PITPNB: variants seen among roughly 807,000 people sequenced by gnomAD.
The protein encoded by PITPNB is phosphatidylinositol transfer protein beta.
Under a neutral mutation model 45.9 loss-of-function variants are expected in PITPNB, and 16 were observed. The ratio of observed to expected loss-of-function variants is 0.35; its 90% CI spans 0.24 to 0.53. The LOEUF (loss-of-function observed/expected upper bound fraction) is 0.53, where lower values mean the gene tolerates loss of function less well. Among genes scored for constraint, PITPNB ranks in the 20% least tolerant of loss-of-function variants. PITPNB has a pLI of 0.93. For missense variants in PITPNB, 188 were observed against 330.5 expected (o/e 0.57, Z 3.34); for synonymous variants, 112 against 108.9 (o/e 1.03, Z -0.18).
Position 27,896,957 on chromosome 22 carries a change from A to G in PITPNB, c.297+173T>C, listed in dbSNP as rs564427178. The G allele has an allele frequency of 1.1e-5, 7 of 658,594 alleles. No homozygotes were observed. The East Asian group carries it at 1.8e-4, about 17-fold the overall frequency. 40.8% of individuals were successfully genotyped at this position (658,594 alleles called of 1,614,324 possible). On this transcript the variant is annotated intron_variant, in intron 5 of 11. Coordinates refer to ENST00000335272, the MANE Select transcript of PITPNB (RefSeq NM_012399.5). ...TAGGGAGATTTTGAGACAAGGGTGG[A>G]AAGGGCCCATGAACACTGGGAACAT...
intron 8 of PITPNB, among the ~76,000 whole-genome samples, chr22:27,868,344 C>T (rs1422232321): frequency 6.6e-6 from 1 of 152,200 alleles, no homozygotes; most frequent in African/African-American, 2.4e-5. Context: ...CCTCATCACT[C>T]ACTTCTACTC....
At chr22:27,905,459 T>C (rs941505376) in intron 3 of PITPNB, among the ~76,000 whole-genome samples, 2 of 152,216 alleles carry the variant, frequency 1.3e-5, no homozygotes, top group Non-Finnish European at 1.5e-5. Flanking sequence ...ATTAATTTCT[T>C]ACATGTGCAA....
At chr22:27,870,308 C>T (rs1934618090) in intron 8 of PITPNB, among the ~76,000 whole-genome samples, 1 of 152,030 alleles carries the variant, frequency 6.6e-6, no homozygotes, top group South Asian at 2.1e-4. Context: ...GTTTCTTTAC[C>T]CCTAGTCAGT....
chr22:27,907,087 T>C (rs74969317), intron 3 of PITPNB, among the ~76,000 whole-genome samples: 5,245 of 152,314 alleles, frequency 0.034, 131 homozygotes, highest in Middle Eastern at 0.092. Flanking sequence ...TGATGTTATA[T>C]AGTGACGGTG....
chr22:27,906,803 A>G (rs531337229), intron 3 of PITPNB, among the ~76,000 whole-genome samples: 48 of 152,318 alleles, frequency 3.2e-4, no homozygotes, highest in African/African-American at 8.2e-4. Context: ...ATGATGTATC[A>G]CCTGAGATTC....
At chr22:27,870,564 T>C (rs1934628005) in intron 8 of PITPNB, among the ~76,000 whole-genome samples, 1 of 152,218 alleles carries the variant, frequency 6.6e-6, no homozygotes. Flanking sequence ...AACACTACCC[T>C]GGTTAAGTGG....
chr22:27,857,660 G>T (rs1436883989), intron 10 of PITPNB, among the ~76,000 whole-genome samples: 1 of 152,170 alleles, frequency 6.6e-6, no homozygotes, highest in African/African-American at 2.4e-5. Flanking sequence ...TTTCACCCAT[G>T]GGGCCTTACT....
At position 27,919,151 on chromosome 22, in the gene PITPNB, C is replaced by A. The variant is rs759088955; in HGVS notation, c.20+21G>T. 18 of 1,613,904 alleles carry A rather than the reference C, an allele frequency of 1.1e-5. No homozygotes were observed. In the Admixed American group the frequency reaches 2.8e-4, roughly 25 times the overall value. On this transcript the variant is annotated intron_variant, in intron 1 of 11. Transcript: ENST00000335272. ...ATCACTGCCGTCCCACGGCCTCGCTCGCGCCCACAGACCCACTCACAATTC... is the reference window on the plus strand; with the variant it reads ...ATCACTGCCGTCCCACGGCCTCGCTAGCGCCCACAGACCCACTCACAATTC...
Position 27,896,635 on chromosome 22 carries a change from A to C in PITPNB, c.298-9T>G. On this transcript the variant is annotated splice_polypyrimidine_tract_variant and intron_variant, in intron 5 of 11. Coordinates refer to ENST00000335272, the MANE Select transcript of PITPNB (RefSeq NM_012399.5). Reference sequence around the variant, plus strand: ...TCTTTCATATATTCATTCTGCAGAAAACACAACAGGAAAATGACAGTGATC... The same window carrying C: ...TCTTTCATATATTCATTCTGCAGAACACACAACAGGAAAATGACAGTGATC... 1 of 1,583,964 alleles carries C rather than the reference A, an allele frequency of 6.3e-7. No homozygotes were observed. Among genetic ancestry groups the C allele is most frequent in the Non-Finnish European group, 8.7e-7 (1 of 1,152,546 alleles).
At chr22:27,856,030 G>A (rs1483895056) in intron 10 of PITPNB, among the ~76,000 whole-genome samples, 7 of 152,286 alleles carry the variant, frequency 4.6e-5, no homozygotes, top group African/African-American at 1.4e-4. Flanking sequence ...AGGACTCAAA[G>A]CAGCAGCATC....
At chr22:27,869,246 G>C (rs1441704922) in intron 8 of PITPNB, among the ~76,000 whole-genome samples, 1 of 152,052 alleles carries the variant, frequency 6.6e-6, no homozygotes, top group Admixed American at 6.6e-5. Flanking sequence ...CGAACCCTAA[G>C]TAACAAAAAT....
At chr22:27,893,483 C>G (rs963403912) in intron 7 of PITPNB, among the ~76,000 whole-genome samples, 1 of 151,450 alleles carries the variant, frequency 6.6e-6, no homozygotes, top group Non-Finnish European at 1.5e-5. Flanking sequence ...AGGGGTTTCA[C>G]CATGTTAGCC....
intron 7 of PITPNB, among the ~76,000 whole-genome samples, chr22:27,880,123 G>A (rs988547715): frequency 2.0e-5 from 3 of 152,102 alleles, no homozygotes; most frequent in Admixed American, 1.3e-4. Flanking sequence ...ACCACCACTA[G>A]GGGCAGGGAA....
At chr22:27,915,442 A>G (rs758151795) in intron 1 of PITPNB, among the ~76,000 whole-genome samples, 12 of 152,090 alleles carry the variant, frequency 7.9e-5, no homozygotes, top group Non-Finnish European at 1.6e-4. Flanking sequence ...AGAGAGTAAT[A>G]AAACCCAGAT....
intron 7 of PITPNB, among the ~76,000 whole-genome samples, chr22:27,882,664 A>C (rs573131497): frequency 6.6e-6 from 1 of 152,338 alleles, no homozygotes; most frequent in South Asian, 2.1e-4. Context: ...TAAACTGCAA[A>C]ACTCCAAAAC....
chr22:27,900,564 CTTTTT>C (rs762760776), intron 3 of PITPNB, among the ~76,000 whole-genome samples: 1 of 151,408 alleles, frequency 6.6e-6, no homozygotes, highest in Non-Finnish European at 1.5e-5. Flanking sequence ...TTCAAATTTA[CTTTTT>C]TTTTATGTTT....
At chr22:27,878,854 C>A (rs572528426) in intron 7 of PITPNB, among the ~76,000 whole-genome samples, 44 of 152,188 alleles carry the variant, frequency 2.9e-4, no homozygotes, top group Non-Finnish European at 4.7e-4. Flanking sequence ...ACTTGTTGGC[C>A]TAGTTTCTGT....
intron 3 of PITPNB, among the ~76,000 whole-genome samples, chr22:27,898,385 A>G (rs1387615641): frequency 2.6e-5 from 4 of 151,972 alleles, no homozygotes; most frequent in Non-Finnish European, 5.9e-5. Flanking sequence ...ACAAGGAAAA[A>G]AAAAATTAAC....
chr22:27,860,185 G>A lies in PITPNB; in HGVS notation c.591C>T (p.Thr197=). 3.1e-6 allele frequency: 5 copies of A among 1,613,734 alleles called. No homozygotes were observed. The highest frequency in any genetic ancestry group is 4.2e-6 in the Non-Finnish European group (5 of 1,179,726). Residue 197 remains threonine, a synonymous_variant, in exon 9 of 12, where the codon ACC becomes ACT. Transcript: ENST00000335272. ...GCAGTCCCCACCACTTGAATTTGAT[G>A]GTCACCAGCTTATAGGCACACATCT... ...CPQMCAYKLV[T]IKFKWWGLQS...
Sources: gnomAD v4.1 joint callset for allele counts (sites outside exome capture counted in the v4.1 genomes callset) on GRCh38, gnomAD v4.1.1 for gene constraint, MANE v1.5 for transcripts, NCBI Gene and HGNC (gene_info 2026-07-23, HGNC 2026-07-21) for gene names.